Variants in PPHLN1 observed in about 807,000 individuals in gnomAD.
PPHLN1 encodes the protein periphilin 1.
Under a neutral mutation model 51.3 loss-of-function variants are expected in PPHLN1, and 29 were observed. The ratio of observed to expected loss-of-function variants is 0.57; its 90% CI spans 0.42 to 0.77. The LOEUF (loss-of-function observed/expected upper bound fraction) is 0.77. Ranked by LOEUF, PPHLN1 falls within the 30% of genes least tolerant of loss-of-function variation. PPHLN1 has a pLI of 0.00. For missense variants in PPHLN1, 436 were observed against 438.4 expected (o/e 0.99, Z 0.05); for synonymous variants, 147 against 147.8 (o/e 0.99, Z 0.04).
At chr12:42,426,187 C>A (rs896634630) in intron 9 of PPHLN1, among the ~76,000 whole-genome samples, 55 of 65,142 alleles carry the variant, frequency 8.4e-4, no homozygotes, top group African/African-American at 2.3e-3. Context: ...CACACACACA[C>A]ACACACACAC....
At chr12:42,409,632 A>G (rs1299472803) in intron 9 of PPHLN1, among the ~76,000 whole-genome samples, 3 of 152,110 alleles carry the variant, frequency 2.0e-5, no homozygotes, top group Non-Finnish European at 2.9e-5. Flanking sequence ...ATTCCTTGCC[A>G]GCAAATATAG....
Position 42,355,143 on chromosome 12 carries a change from AG to A in PPHLN1, c.238-17del. ...AAATAATGTAAACAAATAGCTAAGT[AG>A]CTTTTTTATGTTACAGGATGAATCT... is the stretch of plus-strand genomic sequence containing the variant. On this transcript the variant is annotated splice_polypyrimidine_tract_variant and intron_variant, in intron 3 of 9. Coordinates refer to ENST00000358314, the MANE Select transcript of PPHLN1 (RefSeq NM_201439.2). The A allele has an allele frequency of 6.2e-7, 1 of 1,612,166 alleles. No homozygotes were observed. The highest frequency in any genetic ancestry group is 8.5e-7 in the Non-Finnish European group (1 of 1,178,656).
chr12:42,417,499 G>A (rs1202398410), intron 9 of PPHLN1, among the ~76,000 whole-genome samples: 2 of 151,524 alleles, frequency 1.3e-5, no homozygotes, highest in Non-Finnish European at 2.9e-5. Flanking sequence ...TATGTTACAT[G>A]TTGGTATGGA....
At chr12:42,329,553 T>A (rs1490828493) in intron 1 of PPHLN1, among the ~76,000 whole-genome samples, 4 of 152,214 alleles carry the variant, frequency 2.6e-5, no homozygotes, top group African/African-American at 7.2e-5. Context: ...ATTAATAATC[T>A]AAGATACTAT....
chr12:42,356,606 A>G (rs1409999491), intron 4 of PPHLN1, among the ~76,000 whole-genome samples: 2 of 152,200 alleles, frequency 1.3e-5, no homozygotes, highest in Non-Finnish European at 2.9e-5. Flanking sequence ...TTCAGAACCC[A>G]TGGCAGACTG....
At chr12:42,431,716 A>G in intron 9 of PPHLN1, 2 of 1,086,542 alleles carry the variant, frequency 1.8e-6, no homozygotes, top group East Asian at 2.4e-5. Flanking sequence ...TCTTCTTTTA[A>G]GGTATTAATC....
At chr12:42,411,502 A>T (rs906871157) in intron 9 of PPHLN1, among the ~76,000 whole-genome samples, 3 of 152,218 alleles carry the variant, frequency 2.0e-5, no homozygotes, top group African/African-American at 7.2e-5. Context: ...CGAACATAGA[A>T]ATGATAACAA....
chr12:42,360,316 T>C (rs775046284), intron 4 of PPHLN1, among the ~76,000 whole-genome samples: 13 of 151,606 alleles, frequency 8.6e-5, no homozygotes, highest in Non-Finnish European at 1.6e-4. Context: ...TTTAGTGTTT[T>C]TGGCAAGATG....
intron 2 of PPHLN1, chr12:42,343,745 G>A: frequency 3.4e-6 from 1 of 298,168 alleles, no homozygotes; most frequent in South Asian, 2.7e-5. Context: ...CTTTCTTTTT[G>A]TTGTCACTGT....
At chr12:42,343,923 C>T in intron 2 of PPHLN1, 1 of 443,230 alleles carries the variant, frequency 2.3e-6, no homozygotes, top group Non-Finnish European at 4.5e-6. Context: ...AATAAATCAA[C>T]AAGTGCTAAA....
At chr12:42,334,738 C>T (rs2070331115) in intron 1 of PPHLN1, among the ~76,000 whole-genome samples, 3 of 152,206 alleles carry the variant, frequency 2.0e-5, no homozygotes, top group African/African-American at 7.2e-5. Context: ...TTCTTCTGTA[C>T]ATCAGGATGG....
chr12:42,338,206 C>T (rs1421950507), intron 2 of PPHLN1, among the ~76,000 whole-genome samples: 3 of 152,184 alleles, frequency 2.0e-5, no homozygotes, highest in African/African-American at 2.4e-5. Context: ...GGATTACACG[C>T]GTCAGCCACC....
intron 1 of PPHLN1, among the ~76,000 whole-genome samples, chr12:42,327,715 A>G (rs2069021237): frequency 6.6e-6 from 1 of 152,144 alleles, no homozygotes; most frequent in South Asian, 2.1e-4. Context: ...TCGGTGAGGG[A>G]CTGTGTTTGT....
chr12:42,442,585 A>G (rs765560013), downstream of PPHLN1: 5 of 1,609,580 alleles, frequency 3.1e-6, no homozygotes, highest in Non-Finnish European at 4.2e-6. Flanking sequence ...TCCCCTAGCC[A>G]TTCTTACACA....
At chr12:42,375,140 A>C (rs1156427870) in intron 5 of PPHLN1, 66 bp downstream of exon 5, 2 of 1,247,320 alleles carry the variant, frequency 1.6e-6, no homozygotes, top group Non-Finnish European at 2.2e-6. Flanking sequence ...ACTGAGTCAG[A>C]TTTCCTTCTA....
At chr12:42,401,433 A>G (rs1159072782) in intron 9 of PPHLN1, among the ~76,000 whole-genome samples, 1 of 147,996 alleles carries the variant, frequency 6.8e-6, no homozygotes, top group Non-Finnish European at 1.5e-5. Context: ...GGGGTCCCCA[A>G]CCCCTGGGCT....
rs10643805 is a variant in PPHLN1, at chr12:42,360,110, C to CAAA, written c.299+4899_299+4901dup. Among the ~76,000 whole-genome samples, 84 of 123,130 alleles carry CAAA rather than the reference C, an allele frequency of 6.8e-4. 3 individuals carry two copies. The highest frequency in any genetic ancestry group is 2.5e-3 in the African/African-American group (74 of 30,134). The allele number at this position is 123,130 out of a possible 152,430, so 80.8% of individuals were successfully genotyped here. A position where few individuals can be genotyped will look rare whatever the true frequency, so the allele number is the denominator to read the frequency against. ...TGGGTGACAGAGCAAGACTCCATCT[C>CAAA]AAAAAAAAAAAAAGAAAAATTGCAA... On this transcript the variant is annotated intron_variant, in intron 4 of 9. Coordinates refer to ENST00000358314, the MANE Select transcript of PPHLN1 (RefSeq NM_201439.2).
Position 42,400,748 on chromosome 12 carries a change from C to T in PPHLN1, c.909+1754C>T, listed in dbSNP as rs184243321. The stretch of plus-strand genomic sequence containing the variant: ...ACTTGATTGAAATAACAGGGGAGAG[C>T]GAGACCCTGTCTCTCTCTCTCTCTC... On this transcript the variant is annotated intron_variant, in intron 9 of 9. Transcript: ENST00000358314. Among the ~76,000 whole-genome samples, 12 of 148,192 alleles carry T rather than the reference C, an allele frequency of 8.1e-5. No homozygotes were observed. In the South Asian group the frequency reaches 1.8e-3, roughly 22 times the overall value.
chr12:42,332,118 C>T (rs1257684492), intron 1 of PPHLN1, among the ~76,000 whole-genome samples: 1 of 152,104 alleles, frequency 6.6e-6, no homozygotes, highest in African/African-American at 2.4e-5. Context: ...TCGGGAGGAT[C>T]ACTTGAGCCC....
Sources: gnomAD v4.1 joint callset for allele counts (sites outside exome capture counted in the v4.1 genomes callset) on GRCh38, gnomAD v4.1.1 for gene constraint, MANE v1.5 for transcripts, NCBI Gene and HGNC (gene_info 2026-07-23, HGNC 2026-07-21) for gene names.